The following FHDC1 variants were observed in gnomAD, a reference collection of about 807,000 sequenced individuals.
The protein encoded by FHDC1 is FH2 domain containing 1.
FHDC1 carries 25 observed loss-of-function variants against 52.6 expected under a neutral mutation model. The ratio of observed to expected loss-of-function variants is 0.48; its 90% CI spans 0.35 to 0.66. The LOEUF (loss-of-function observed/expected upper bound fraction) is 0.66, where lower values mean the gene tolerates loss of function less well. Ranked by LOEUF, FHDC1 falls within the 30% of genes least tolerant of loss-of-function variation. The pLI is 0.01. For synonymous variants in FHDC1, 616 were observed against 581.5 expected (o/e 1.06, Z -0.85); for missense variants, 1,459 against 1,452.8 (o/e 1.00, Z -0.07).
intron 2 of FHDC1, among the ~76,000 whole-genome samples, chr4:152,949,121 T>TAAGAAGAAGAAGAAGAAGAAGAAGAAG (rs1423440219): frequency 1.5e-5 from 1 of 65,500 alleles, no homozygotes; most frequent in African/African-American, 5.4e-5. Context: ...ATAATAATAA[T>TAAGAAGAAGAAGAAGAAGAAGAAGAAG]AATAAGAAGA....
At position 152,976,661 on chromosome 4, in the gene FHDC1, C is replaced by G. The variant is rs1169108034; in HGVS notation, c.3370C>G (p.Leu1124Val). Residue 1124 changes from leucine to valine, a missense_variant, in exon 12 of 12, where the codon CTC (leucine) becomes GTC (valine). Around this residue, in one of 3 missense-constraint regions of FHDC1, gnomAD observed 939 missense variants for 854.5 expected, o/e 1.10. Transcript: ENST00000511601. ...CAGAGGGGCTGGGGAAAGGGCCTCC[C>G]TCCGTCGGAAGGACTCCAGTCGGAC... ...KARGAGERASLRRKDSSRTTL... is the reference protein window; with the variant it reads ...KARGAGERASVRRKDSSRTTL... 1.3e-6 allele frequency: 2 copies of G among 1,575,950 alleles called. No homozygotes were observed. Among genetic ancestry groups the G allele is most frequent in the Non-Finnish European group, 1.7e-6 (2 of 1,161,582 alleles).
rs1194900091 is a variant in FHDC1 at position 152,975,015 on chromosome 4, G to A, written c.1724G>A (p.Ser575Asn). The A allele has an allele frequency of 2.5e-6, 4 of 1,612,554 alleles. No homozygotes were observed. Among genetic ancestry groups the A allele is most frequent in the African/African-American group, 1.3e-5 (1 of 74,996 alleles). ...PNKFHSLPRSSPRQARPTIAC... is the reference protein window; with the variant it reads ...PNKFHSLPRSNPRQARPTIAC... ...AAGTTCCACAGCCTGCCCCGGAGCA[G>A]CCCCCGGCAGGCCCGGCCCACGATA... Residue 575 changes from serine to asparagine, a missense_variant, in exon 12 of 12, where the codon AGC becomes AAC. This residue lies in a region of FHDC1 where 939 missense variants were observed against 854.5 expected (regional missense o/e 1.10). Transcript: ENST00000511601.
At chr4:152,954,625 T>C (rs1445039726) in intron 4 of FHDC1, among the ~76,000 whole-genome samples, 1 of 151,978 alleles carries the variant, frequency 6.6e-6, no homozygotes, top group African/African-American at 2.4e-5. Flanking sequence ...AGGCGGAGTT[T>C]GCAGTGAGCC....
At chr4:152,932,657 A>T (rs1739272777), upstream of FHDC1, among the ~76,000 whole-genome samples, 1 of 152,216 alleles carries the variant, frequency 6.6e-6, no homozygotes, top group Non-Finnish European at 1.5e-5. Flanking sequence ...TGAACAACTG[A>T]TCTAATCAAA....
rs1218996776 is a variant in FHDC1, at chr4:152,962,901, A to G, written c.921+17A>G. ...ATGAATGCAGTAAGTAAAATCCAAA[A>G]CAATTGTAATGTTATGTTTTCAACC... is the stretch of plus-strand genomic sequence containing the variant. On this transcript the variant is annotated intron_variant, in intron 7 of 11. Transcript: ENST00000511601. 5 of 1,612,450 alleles carry G rather than the reference A, an allele frequency of 3.1e-6. No individual in the cohort carries two copies. Among genetic ancestry groups the G allele is most frequent in the Non-Finnish European group, 4.2e-6 (5 of 1,179,050 alleles).
upstream of FHDC1, among the ~76,000 whole-genome samples, chr4:152,933,107 T>C (rs1053763946): frequency 9.2e-5 from 14 of 152,174 alleles, no homozygotes; most frequent in African/African-American, 2.7e-4. Flanking sequence ...TCTGGGAGGT[T>C]TGGCCTGGTT....
chr4:152,950,643 T>C (rs1454627535), intron 2 of FHDC1, among the ~76,000 whole-genome samples: 1 of 152,192 alleles, frequency 6.6e-6, no homozygotes, highest in Non-Finnish European at 1.5e-5. Flanking sequence ...CCCTGGAGGC[T>C]CTCTTGCCTG....
At chr4:152,932,252 C>A (rs1739265778), upstream of FHDC1, among the ~76,000 whole-genome samples, 1 of 151,752 alleles carries the variant, frequency 6.6e-6, no homozygotes, top group African/African-American at 2.4e-5. Context: ...CTAAAAAAAT[C>A]AGAAATAAAG....
the FHDC1 span, chr4:152,911,344 T>C: frequency 6.6e-6 from 1 of 152,580 alleles, no homozygotes; most frequent in African/African-American, 2.4e-5. Flanking sequence ...CTTTTGAGGA[T>C]TGGGAAAACA....
intron 1 of FHDC1, among the ~76,000 whole-genome samples, chr4:152,939,689 T>C (rs750259159): frequency 1.3e-5 from 2 of 152,192 alleles, no homozygotes; most frequent in African/African-American, 2.4e-5. Flanking sequence ...ACAACTCTGA[T>C]GGGTCATGAG....
At chr4:152,925,830 G>C in the FHDC1 span, among the ~76,000 whole-genome samples, 1 of 149,104 alleles carries the variant, frequency 6.7e-6, no homozygotes, top group Non-Finnish European at 1.5e-5. Context: ...AAGAAGAAGA[G>C]GGAGAAGGAG....
chr4:152,975,908 G>C lies in FHDC1; in HGVS notation c.2617G>C (p.Gly873Arg), dbSNP rs757283743. The C allele has an allele frequency of 1.5e-5, 22 of 1,513,976 alleles. No homozygotes were observed. The highest frequency in any genetic ancestry group is 1.8e-5 in the Non-Finnish European group (20 of 1,133,510). The allele number at this position is 1,513,976 out of a possible 1,614,324, so 93.8% of individuals were successfully genotyped here. Residue 873 changes from glycine to arginine, a missense_variant, in exon 12 of 12, where the codon GGG (glycine) becomes CGG (arginine). Transcript: ENST00000511601. ...KRGSLKEASP[G>R]ASKPGSARRS... ...AGGCTCCCTGAAAGAGGCGTCTCCC[G>C]GGGCCTCCAAGCCCGGGAGCGCCCG...
At chr4:152,957,715 T>C (rs974745294) in intron 4 of FHDC1, among the ~76,000 whole-genome samples, 1 of 152,252 alleles carries the variant, frequency 6.6e-6, no homozygotes, top group South Asian at 2.1e-4. Flanking sequence ...TTTTCTCTCC[T>C]GCCTTCTCAG....
Position 152,976,055 on chromosome 4 carries a change from C to G in FHDC1, c.2764C>G (p.Leu922Val). 6.3e-7 allele frequency: 1 copy of G among 1,592,998 alleles called. No individual in the cohort carries two copies. The highest frequency in any genetic ancestry group is 8.5e-7 in the Non-Finnish European group (1 of 1,171,382). ...SRGAGWRRPELSSRGPSQNPP... is the reference protein window; with the variant it reads ...SRGAGWRRPEVSSRGPSQNPP... ...AGGCGCCGGCTGGAGGCGACCAGAG[C>G]TGTCATCCCGGGGGCCCTCCCAGAA... The change falls in exon 12 of 12, where the codon CTG becomes GTG. Residue 922 changes from leucine (L) to valine (V), a missense_variant. Physicochemically the swap from Leu to Val is conservative, Grantham distance 32 (BLOSUM62 1). Around this residue, in one of 3 missense-constraint regions of FHDC1, gnomAD observed 939 missense variants for 854.5 expected, o/e 1.10. Transcript: ENST00000511601.
chr4:152,959,120 G>A (rs745658104), intron 4 of FHDC1, among the ~76,000 whole-genome samples: 1 of 152,166 alleles, frequency 6.6e-6, no homozygotes, highest in Admixed American at 6.5e-5. Context: ...AAGATAATAA[G>A]CTTTATAAAG....
the FHDC1 span, among the ~76,000 whole-genome samples, chr4:152,916,244 G>T: frequency 6.6e-6 from 1 of 152,292 alleles, no homozygotes; most frequent in East Asian, 1.9e-4. Flanking sequence ...AGTCACTTGA[G>T]TGTGTATTTG....
Position 152,972,484 on chromosome 4 carries a change from G to A in FHDC1, c.1326G>A (p.Leu442=). The A allele has an allele frequency of 6.2e-7, 1 of 1,613,880 alleles. No individual in the cohort carries two copies. Residue 442 remains leucine, a synonymous_variant, in exon 11 of 12, where the codon CTG becomes CTA. Transcript: ENST00000511601. Reference sequence around the variant, plus strand: ...GTGAAGACAAAAAAACCATGAAACTGGATGAATGCTTTCAGATATTTAGAG... The same window carrying A: ...GTGAAGACAAAAAAACCATGAAACTAGATGAATGCTTTCAGATATTTAGAG... ...FFCEDKKTMK[L]DECFQIFRDF... is the part of the protein sequence containing the mutation.
chr4:152,960,929 T>C (rs964417906), intron 6 of FHDC1, 85 bp downstream of exon 6: 2 of 938,858 alleles, frequency 2.1e-6, no homozygotes, highest in African/African-American at 3.3e-5. Context: ...AAATTGGACA[T>C]GGAAAGTCCT....
intron 9 of FHDC1, 25 bp from the exon 10 acceptor site, chr4:152,967,955 C>T (rs1211864564): frequency 3.2e-6 from 5 of 1,570,552 alleles, no homozygotes; most frequent in Non-Finnish European, 4.4e-6. Flanking sequence ...GTTCCAACTG[C>T]CCACTCTCCC....
Sources: gnomAD v4.1 joint callset for allele counts (sites outside exome capture counted in the v4.1 genomes callset) on GRCh38, gnomAD v4.1.1 for gene constraint, gnomAD v4.1.1 regional missense constraint, MANE v1.5 for transcripts, NCBI Gene and HGNC (gene_info 2026-07-23, HGNC 2026-07-21) for gene names.